Variants in GATAD2B observed in about 807,000 individuals in gnomAD.
GATAD2B encodes GATA zinc finger domain containing 2B.
Under a neutral mutation model 64.3 loss-of-function variants are expected in GATAD2B, and 8 were observed. The ratio of observed to expected loss-of-function variants is 0.12; its 90% confidence interval spans 0.07 to 0.22. The LOEUF (loss-of-function observed/expected upper bound fraction) is 0.22, where lower values mean the gene tolerates loss of function less well. GATAD2B is among the 10% of genes least tolerant of loss of function. The pLI, the probability that GATAD2B is intolerant of heterozygous loss-of-function variation, is 1.00. For synonymous variants in GATAD2B, 281 were observed against 271.3 expected, an observed-to-expected ratio of 1.04 and a Z score of -0.35; for missense variants, 453 against 752.0, an observed-to-expected ratio of 0.60 and a Z score of 4.65.
intron 1 of GATAD2B, among the ~76,000 whole-genome samples, chr1:153,867,830 A>G (rs1676530007): frequency 1.3e-5 from 2 of 152,034 alleles, no homozygotes; most frequent in East Asian, 3.9e-4. Flanking sequence ...ACTGCACTCC[A>G]TCCTTGGCGA....
intron 1 of GATAD2B, among the ~76,000 whole-genome samples, chr1:153,842,919 T>C (rs1675547860): frequency 6.6e-6 from 1 of 150,786 alleles, no homozygotes; most frequent in East Asian, 2.0e-4. Flanking sequence ...CCTCCCAAAG[T>C]GCTGGGATTA....
chr1:153,917,283 A>C (rs1678301193), intron 1 of GATAD2B, among the ~76,000 whole-genome samples: 1 of 150,932 alleles, frequency 6.6e-6, no homozygotes, highest in African/African-American at 2.4e-5. Context: ...TTTTTAGTAG[A>C]GATGGGGTTT....
chr1:153,886,179 A>G (rs1677178551), intron 1 of GATAD2B, among the ~76,000 whole-genome samples: 1 of 152,254 alleles, frequency 6.6e-6, no homozygotes, highest in Non-Finnish European at 1.5e-5. Context: ...CCATTTTAAC[A>G]TACAGTTATG....
intron 1 of GATAD2B, among the ~76,000 whole-genome samples, chr1:153,892,853 C>G (rs1677461787): frequency 6.6e-6 from 1 of 151,894 alleles, no homozygotes; most frequent in Non-Finnish European, 1.5e-5. Flanking sequence ...TGCCACCACG[C>G]CTGGCTAATT....
chr1:153,850,499 T>C (rs910019786), intron 1 of GATAD2B, among the ~76,000 whole-genome samples: 2 of 151,952 alleles, frequency 1.3e-5, no homozygotes, highest in African/African-American at 2.4e-5. Flanking sequence ...CAGGTATCAC[T>C]ATGTTGGCGA....
At chr1:153,921,950 C>T (rs968301039) in intron 1 of GATAD2B, 1 of 152,160 alleles carries the variant, frequency 6.6e-6, no homozygotes, top group African/African-American at 2.4e-5. Context: ...CAAAAGTACT[C>T]TAAGTCCCGG....
At chr1:153,843,020 C>T (rs1035952158) in intron 1 of GATAD2B, among the ~76,000 whole-genome samples, 35 of 147,072 alleles carry the variant, frequency 2.4e-4, no homozygotes, top group Admixed American at 2.3e-3. Context: ...TGGACCATGT[C>T]GGCTCACTGC....
intron 1 of GATAD2B, among the ~76,000 whole-genome samples, chr1:153,869,055 G>C (rs972543919): frequency 6.6e-6 from 1 of 152,152 alleles, no homozygotes; most frequent in African/African-American, 2.4e-5. Context: ...CACTTTGGGA[G>C]GTCAAGGCAG....
intron 1 of GATAD2B, among the ~76,000 whole-genome samples, chr1:153,902,818 T>C (rs1264852387): frequency 6.6e-6 from 1 of 152,208 alleles, no homozygotes; most frequent in Admixed American, 6.6e-5. Flanking sequence ...TTTATCTTTA[T>C]ATCCTCTAAC....
chr1:153,888,792 G>A (rs1449954205), intron 1 of GATAD2B, among the ~76,000 whole-genome samples: 1 of 152,128 alleles, frequency 6.6e-6, no homozygotes, highest in Non-Finnish European at 1.5e-5. Context: ...CGTTCCAAGA[G>A]TAGAAATCCC....
chr1:153,844,672 A>C (rs1675618532), intron 1 of GATAD2B, among the ~76,000 whole-genome samples: 1 of 149,174 alleles, frequency 6.7e-6, no homozygotes, highest in African/African-American at 2.5e-5. Context: ...ACAAAAAACC[A>C]AACACCGTAT....
intron 1 of GATAD2B, among the ~76,000 whole-genome samples, chr1:153,838,477 G>T (rs12059486): frequency 0.026 from 3,931 of 152,018 alleles, 170 homozygotes; most frequent in African/African-American, 0.088. Flanking sequence ...CACAATCTCA[G>T]CTCACTGCAA....
Position 153,806,340 on chromosome 1 carries a change from G to T in GATAD2B, c.*3837C>A, listed in dbSNP as rs1570917861. On this transcript the variant is annotated 3_prime_UTR_variant, in exon 11 of 11. Coordinates refer to ENST00000368655, the MANE Select transcript of GATAD2B (RefSeq NM_020699.4). ...CCAAGGCAGTGCTGGTGACCCGGAG[G>T]GACTACTCCAGGGTGGGGAGGCAAG... 6.6e-6 allele frequency: 1 copy of T among 151,506 alleles called. No homozygotes were observed. Among genetic ancestry groups the T allele is most frequent in the East Asian group, 2.0e-4 (1 of 5,114 alleles). 9.4% of individuals were successfully genotyped at this position (151,506 alleles called of 1,614,324 possible).
intron 1 of GATAD2B, among the ~76,000 whole-genome samples, chr1:153,883,381 TAC>T (rs944886965): frequency 6.6e-6 from 1 of 152,234 alleles, no homozygotes; most frequent in Non-Finnish European, 1.5e-5. Context: ...ACCCTTTATC[TAC>T]AACACAACAT....
intron 1 of GATAD2B, among the ~76,000 whole-genome samples, chr1:153,900,415 C>CAA (rs954348785): frequency 1.4e-5 from 2 of 145,988 alleles, no homozygotes; most frequent in African/African-American, 5.0e-5. Flanking sequence ...GACTCCGTCT[C>CAA]AAAAAAAAAA....
chr1:153,922,554 C>A (rs1432896221), intron 1 of GATAD2B, among the ~76,000 whole-genome samples, 179 bp downstream of exon 1: 1 of 132,152 alleles, frequency 7.6e-6, no homozygotes, highest in Non-Finnish European at 1.6e-5. Context: ...GAGGGGGACG[C>A]AAGGCGGGGG....
In GATAD2B at chr1:153,812,034, A is replaced by G; in HGVS notation, c.1518T>C (p.His506=). ...VSKQETIMRH[H]TLRQAPQPQS... is the part of the protein sequence containing the mutation. ...AAAAGTTCCTTACCTGCCGAAGCGT[A>G]TGATGTCTCATGATGGTCTCTTGTT... Residue 506 remains histidine, a synonymous_variant, in exon 9 of 11, where the codon CAT becomes CAC. Coordinates refer to ENST00000368655, the MANE Select transcript of GATAD2B (RefSeq NM_020699.4). The G allele has an allele frequency of 1.2e-6, 2 of 1,601,076 alleles. No homozygotes were observed. Among genetic ancestry groups the G allele is most frequent in the East Asian group, 2.2e-5 (1 of 44,814 alleles).
At chr1:153,817,929 A>G in intron 5 of GATAD2B, 111 bp downstream of exon 5, 2 of 918,728 alleles carry the variant, frequency 2.2e-6, no homozygotes, top group Admixed American at 2.7e-5. Flanking sequence ...ATCAGTAGTA[A>G]TAACACCTCT....
intron 1 of GATAD2B, among the ~76,000 whole-genome samples, chr1:153,869,470 A>C (rs1676590439): frequency 6.6e-6 from 1 of 152,112 alleles, no homozygotes; most frequent in Non-Finnish European, 1.5e-5. Flanking sequence ...ATGGGTTATA[A>C]TCTATTTATC....
Sources: allele counts gnomAD v4.1 joint callset (sites outside exome capture counted in the v4.1 genomes callset), GRCh38; gene constraint gnomAD v4.1.1; transcripts MANE v1.5; gene names NCBI Gene and HGNC (gene_info 2026-07-23, HGNC 2026-07-21).